The following NTM variants were observed in gnomAD, a reference collection of about 807,000 sequenced individuals.
NTM encodes the protein neurotrimin.
A neutral mutation model predicts 42.1 loss-of-function variants in NTM; 13 were observed. The observed-to-expected ratio is 0.31, with a 90% confidence interval of 0.20 to 0.49. The LOEUF (loss-of-function observed/expected upper bound fraction) is 0.49, where lower values mean the gene tolerates loss of function less well. Ranked by LOEUF, NTM falls within the 20% of genes least tolerant of loss-of-function variation. The probability of loss-of-function intolerance (pLI) is 0.99; values close to 1 mark genes in which losing one functional copy is unlikely to be tolerated. For missense variants in NTM, 373 were observed against 452.8 expected (o/e 0.82, Z 1.60); for synonymous variants, 187 against 179.2 (o/e 1.04, Z -0.35).
intron 4 of NTM, among the ~76,000 whole-genome samples, chr11:132,304,496 G>A (rs1275401998): frequency 6.6e-6 from 1 of 151,838 alleles, no homozygotes; most frequent in African/African-American, 2.4e-5. Context: ...CAGCACAAAT[G>A]CTTTTAAACG....
intron 3 of NTM, among the ~76,000 whole-genome samples, chr11:132,188,376 G>T (rs2078767675): frequency 6.6e-6 from 1 of 152,152 alleles, no homozygotes; most frequent in Non-Finnish European, 1.5e-5. Flanking sequence ...TCCAGGCCAT[G>T]CAAGGCTTGC....
chr11:132,124,670 A>G (rs897655520), intron 2 of NTM, among the ~76,000 whole-genome samples: 17 of 152,198 alleles, frequency 1.1e-4, no homozygotes, highest in African/African-American at 3.4e-4. Context: ...TATAAAGTAC[A>G]GGCATTTATA....
intron 1 of NTM, among the ~76,000 whole-genome samples, chr11:131,858,046 T>C (rs2046276447): frequency 6.6e-6 from 1 of 151,420 alleles, no homozygotes; most frequent in African/African-American, 2.4e-5. Context: ...GCCCCGCCCA[T>C]GCCTCACCCT....
chr11:131,471,359 G>T (rs1460599844), intron 1 of NTM, among the ~76,000 whole-genome samples: 1 of 152,218 alleles, frequency 6.6e-6, no homozygotes, highest in Non-Finnish European at 1.5e-5. Flanking sequence ...TGTCCTAGGA[G>T]ATTCAAGGGT....
At chr11:132,157,223 T>A (rs960290418) in intron 3 of NTM, among the ~76,000 whole-genome samples, 1 of 152,212 alleles carries the variant, frequency 6.6e-6, no homozygotes, top group Non-Finnish European at 1.5e-5. Context: ...ATGTTTTGAA[T>A]CCTTAATGGA....
At chr11:132,320,974 T>C (rs2095553935) in intron 7 of NTM, among the ~76,000 whole-genome samples, 1 of 150,620 alleles carries the variant, frequency 6.6e-6, no homozygotes, top group Non-Finnish European at 1.5e-5. Context: ...TCCTGTCTGT[T>C]AGAAGGAAAA....
At chr11:131,867,730 A>G (rs1401337483) in intron 1 of NTM, among the ~76,000 whole-genome samples, 1 of 152,048 alleles carries the variant, frequency 6.6e-6, no homozygotes, top group African/African-American at 2.4e-5. Flanking sequence ...CTGTGTGTGT[A>G]AATGTGTCTG....
chr11:131,988,324 A>C (rs1041854127), intron 2 of NTM, among the ~76,000 whole-genome samples: 17 of 152,228 alleles, frequency 1.1e-4, no homozygotes, highest in African/African-American at 3.9e-4. Flanking sequence ...GTCTGATTAA[A>C]TATTAACCTT....
chr11:132,037,177 G>C (rs538896176), intron 2 of NTM, among the ~76,000 whole-genome samples: 2 of 151,894 alleles, frequency 1.3e-5, no homozygotes, highest in Non-Finnish European at 2.9e-5. Flanking sequence ...CTTCCTCTTG[G>C]GGGGTGAGTG....
chr11:132,280,673 A>G (rs2093942701), intron 4 of NTM, among the ~76,000 whole-genome samples: 1 of 151,740 alleles, frequency 6.6e-6, no homozygotes, highest in South Asian at 2.1e-4. Flanking sequence ...TTTAGTAGAG[A>G]CAGGGTTTCA....
intron 1 of NTM, among the ~76,000 whole-genome samples, chr11:131,610,563 C>T (rs2061384475): frequency 6.6e-6 from 1 of 152,208 alleles, no homozygotes; most frequent in African/African-American, 2.4e-5. Context: ...GGTTTTAACA[C>T]AAGCTTACAC....
chr11:131,435,483 T>G (rs941314699), intron 1 of NTM, among the ~76,000 whole-genome samples: 1 of 152,202 alleles, frequency 6.6e-6, no homozygotes, highest in Non-Finnish European at 1.5e-5. Flanking sequence ...TGATTTGTAG[T>G]TCTCCTTGAA....
At chr11:131,496,787 C>G (rs886085449) in intron 1 of NTM, among the ~76,000 whole-genome samples, 2 of 152,200 alleles carry the variant, frequency 1.3e-5, no homozygotes, top group African/African-American at 4.8e-5. Flanking sequence ...CCTCCTCCCC[C>G]TATCTCCTTC....
intron 1 of NTM, among the ~76,000 whole-genome samples, chr11:131,849,799 C>T (rs2045308262): frequency 7.1e-6 from 1 of 140,770 alleles, no homozygotes; most frequent in Non-Finnish European, 1.5e-5. Context: ...GGAAGGGGAA[C>T]ATCACACACC....
At chr11:132,163,550 G>T (rs895862664) in intron 3 of NTM, among the ~76,000 whole-genome samples, 4 of 152,202 alleles carry the variant, frequency 2.6e-5, no homozygotes, top group African/African-American at 9.7e-5. Flanking sequence ...CTTTAGAAAT[G>T]AGGAGACCAA....
chr11:131,902,021 G>A (rs2053233197), intron 1 of NTM, among the ~76,000 whole-genome samples: 1 of 152,218 alleles, frequency 6.6e-6, no homozygotes, highest in Non-Finnish European at 1.5e-5. Context: ...AGGCTGTGAT[G>A]CCCCAAGGGC....
rs537949781 is a variant in NTM, at chr11:132,238,568, G to A, written c.526+26421G>A. Among the ~76,000 whole-genome samples the A allele has an allele frequency of 5.3e-5, 8 of 152,278 alleles. No individual in the cohort carries two copies. The South Asian group carries it at 1.5e-3, about 28-fold the overall frequency. The stretch of plus-strand genomic sequence containing the variant: ...ACAATGAGATTGTCTTTTGGCATGA[G>A]GTTGTCTTTCGGTATGAGAGGCAGG... On this transcript the variant is annotated intron_variant, in intron 4 of 8. Transcript: ENST00000683400.
chr11:132,255,912 T>G (rs551396012), intron 4 of NTM, among the ~76,000 whole-genome samples: 1 of 152,102 alleles, frequency 6.6e-6, no homozygotes, highest in African/African-American at 2.4e-5. Context: ...ACCTCGCTCC[T>G]CTCACAAATG....
At chr11:132,039,222 C>A (rs924107300) in intron 2 of NTM, among the ~76,000 whole-genome samples, 7 of 152,166 alleles carry the variant, frequency 4.6e-5, no homozygotes, top group African/African-American at 1.7e-4. Flanking sequence ...ACTCTCCATT[C>A]TTCTTACCCT....
Sources: gnomAD v4.1 joint callset for allele counts (sites outside exome capture counted in the v4.1 genomes callset) on GRCh38, gnomAD v4.1.1 for gene constraint, MANE v1.5 for transcripts, NCBI Gene and HGNC (gene_info 2026-07-23, HGNC 2026-07-21) for gene names.